TMPRSS13: variants seen among roughly 807,000 people sequenced by gnomAD.
The protein encoded by TMPRSS13 is transmembrane serine protease 13.
TMPRSS13 carries 50 observed loss-of-function variants against 68.4 expected under a neutral mutation model. That is an observed-to-expected ratio of 0.73 (90% CI 0.58 to 0.93). TMPRSS13 has a LOEUF of 0.93. Among genes scored for constraint, TMPRSS13 ranks in the 40% least tolerant of loss-of-function variants. The pLI is 0.00. For synonymous variants in TMPRSS13, 267 were observed against 285.8 expected (o/e 0.93, Z 0.66); for missense variants, 615 against 729.2 (o/e 0.84, Z 1.80).
chr11:117,910,605 A>G, intron 7 of TMPRSS13, 102 bp downstream of exon 7: 1 of 1,207,582 alleles, frequency 8.3e-7, no homozygotes, highest in African/African-American at 1.5e-5. Flanking sequence ...ACTGTTCCTG[A>G]CTTGAACCCC....
intron 12 of TMPRSS13, chr11:117,903,410 C>G (rs1408712551): frequency 1.2e-5 from 18 of 1,536,018 alleles, no homozygotes; most frequent in Non-Finnish European, 1.4e-5. Flanking sequence ...CAGCAACTGC[C>G]TGCCTGGCCT....
At chr11:117,912,440 C>T (rs2057533375) in intron 5 of TMPRSS13, among the ~76,000 whole-genome samples, 1 of 152,240 alleles carries the variant, frequency 6.6e-6, no homozygotes, top group South Asian at 2.1e-4. Context: ...CTAAGAATCA[C>T]CTTGGGATGT....
At chr11:117,905,588 C>T in intron 10 of TMPRSS13, 50 bp downstream of exon 10, 1 of 1,435,648 alleles carries the variant, frequency 7.0e-7, no homozygotes, top group Non-Finnish European at 9.6e-7. Context: ...CATGTATACA[C>T]ACACATGCAC....
chr11:117,924,794 C>T (rs1001413042), intron 1 of TMPRSS13, among the ~76,000 whole-genome samples: 1 of 152,144 alleles, frequency 6.6e-6, no homozygotes, highest in Non-Finnish European at 1.5e-5. Flanking sequence ...CCAGAGAAAC[C>T]CCACAAATAC....
chr11:117,918,781 C>T lies in TMPRSS13; in HGVS notation c.79G>A (p.Ala27Thr). Residue 27 changes from alanine (A) to threonine (T), a missense_variant, in exon 2 of 13, where the codon GCT (alanine) becomes ACT (threonine). Ala to Thr is a moderately conservative substitution (Grantham distance 58). Coordinates refer to ENST00000524993, the MANE Select transcript of TMPRSS13 (RefSeq NM_001077263.3). ...AGASPAQASP[A>T]GTPPGRASPA... Reference sequence around the variant, plus strand: ...GATGCCCGGCCTGGAGGTGTCCCAGCTGGAGATGCCTGGGCTGGAGATGCT... The same window carrying T: ...GATGCCCGGCCTGGAGGTGTCCCAGTTGGAGATGCCTGGGCTGGAGATGCT... 8 of 1,613,690 alleles carry T rather than the reference C, an allele frequency of 5.0e-6. No individual in the cohort carries two copies. Among genetic ancestry groups the T allele is most frequent in the Non-Finnish European group, 6.8e-6 (8 of 1,179,790 alleles).
At chr11:117,902,807 G>A (rs1457969872) in intron 12 of TMPRSS13, among the ~76,000 whole-genome samples, 2 of 152,144 alleles carry the variant, frequency 1.3e-5, no homozygotes, top group African/African-American at 2.4e-5. Flanking sequence ...AGTAAATACC[G>A]AGGATATTCC....
Position 117,902,140 on chromosome 11 carries a change from G to T in TMPRSS13, c.*99C>A, listed in dbSNP as rs2134869851. 1.5e-6 allele frequency: 2 copies of T among 1,364,736 alleles called. No homozygotes were observed. The highest frequency in any genetic ancestry group is 1.8e-5 in the Admixed American group (1 of 55,480). 84.5% of individuals were successfully genotyped at this position (1,364,736 alleles called of 1,614,324 possible). On this transcript the variant is annotated 3_prime_UTR_variant, in exon 13 of 13. Coordinates refer to ENST00000524993, the MANE Select transcript of TMPRSS13 (RefSeq NM_001077263.3). ...ACAGTGGAGGTGGGAGTCCGATGGT[G>T]CCCGGTGGCCATTAGCCCAGATGAT...
chr11:117,905,616 AC>A, intron 10 of TMPRSS13, 21 bp downstream of exon 10: 1 of 1,571,158 alleles, frequency 6.4e-7, no homozygotes, highest in African/African-American at 1.3e-5. Context: ...CATACACACA[AC>A]CAAGCATCTT....
chr11:117,908,585 G>A, intron 9 of TMPRSS13, 27 bp downstream of exon 9: 1 of 1,548,692 alleles, frequency 6.5e-7, no homozygotes. Flanking sequence ...TGGGGGGCAG[G>A]AGAGCGGGGA....
intron 2 of TMPRSS13, among the ~76,000 whole-genome samples, chr11:117,918,118 T>C (rs974092089): frequency 1.3e-5 from 2 of 152,166 alleles, no homozygotes; most frequent in Non-Finnish European, 2.9e-5. Context: ...GACCTTGCTA[T>C]TGAAACCGGT....
At position 117,902,117 on chromosome 11, in the gene TMPRSS13, A is replaced by C. The variant is rs560310011; in HGVS notation, c.*122T>G. 6.9e-6 allele frequency: 7 copies of C among 1,015,576 alleles called. No homozygotes were observed. The South Asian group carries it at 8.2e-5, about 12-fold the overall frequency. 62.9% of individuals were successfully genotyped at this position (1,015,576 alleles called of 1,614,324 possible). A position where few individuals can be genotyped will look rare whatever the true frequency, so the allele number is the denominator to read the frequency against. Reference sequence around the variant, plus strand: ...ACACACACACACAGAGGCAGCAGACAGTGGAGGTGGGAGTCCGATGGTGCC... The same window carrying C: ...ACACACACACACAGAGGCAGCAGACCGTGGAGGTGGGAGTCCGATGGTGCC... On this transcript the variant is annotated 3_prime_UTR_variant, in exon 13 of 13. Transcript: ENST00000524993.
At chr11:117,904,234 C>A in intron 10 of TMPRSS13, 133 bp from the exon 11 acceptor site, 1 of 1,267,282 alleles carries the variant, frequency 7.9e-7, no homozygotes, top group Non-Finnish European at 1.1e-6. Flanking sequence ...CATGCCCGTG[C>A]CTGGCTCCCA....
Position 117,923,176 on chromosome 11 carries a change from A to G in TMPRSS13, c.22-4338T>C, listed in dbSNP as rs184345814. 1.8e-4 allele frequency among the ~76,000 whole-genome samples: 27 copies of G among 152,324 alleles called. No individual in the cohort carries two copies. The East Asian group carries it at 4.6e-3, about 26-fold the overall frequency. On this transcript the variant is annotated intron_variant, in intron 1 of 12. Coordinates refer to ENST00000524993, the MANE Select transcript of TMPRSS13 (RefSeq NM_001077263.3). ...CCAAAACATTTGTGTGCTTTGCCCA[A>G]AGTTGTTCAGGCCCATCTCACAGCA... is the stretch of plus-strand genomic sequence containing the variant.
intron 1 of TMPRSS13, among the ~76,000 whole-genome samples, chr11:117,925,758 C>G (rs893580244): frequency 1.3e-5 from 2 of 152,238 alleles, no homozygotes; most frequent in East Asian, 3.8e-4. Flanking sequence ...GTTGCTATAC[C>G]AAGAGGAATC....
intron 12 of TMPRSS13, chr11:117,903,178 T>C (rs11216612): frequency 0.6 from 833,253 of 1,382,910 alleles, 253,276 homozygotes; most frequent in Non-Finnish European, 0.62. Flanking sequence ...TTGTCAGAGT[T>C]AAAATGGAGT....
rs1033103480 is a variant in TMPRSS13, at chr11:117,905,687, G to A, written c.1332C>T (p.Leu444=). ...AGCCTGTGATCCAGCAGGTCTCATT[G>A]AGGCTAAAGGTCTGTCCATGCATGG... ...CLPMHGQTFS[L]NETCWITGFG... is the part of the protein sequence containing the mutation. Residue 444 remains leucine, a synonymous_variant, in exon 10 of 13, where the codon CTC becomes CTT. Coordinates refer to ENST00000524993, the MANE Select transcript of TMPRSS13 (RefSeq NM_001077263.3). 1.2e-6 allele frequency: 2 copies of A among 1,606,446 alleles called. No individual in the cohort carries two copies. Among genetic ancestry groups the A allele is most frequent in the Admixed American group, 3.4e-5 (2 of 59,382 alleles).
chr11:117,925,813 A>C (rs2057699749), intron 1 of TMPRSS13, among the ~76,000 whole-genome samples: 1 of 152,252 alleles, frequency 6.6e-6, no homozygotes, highest in African/African-American at 2.4e-5. Flanking sequence ...CCATTGTTAC[A>C]TCAGTTGTCC....
At chr11:117,928,390 G>A (rs148953812) in intron 1 of TMPRSS13, among the ~76,000 whole-genome samples, 92 of 152,322 alleles carry the variant, frequency 6.0e-4, no homozygotes, top group African/African-American at 2.1e-3. Flanking sequence ...TGGGGGTGCA[G>A]AATGGACCAC....
Position 117,922,786 on chromosome 11 carries a change from A to G in TMPRSS13, c.22-3948T>C, listed in dbSNP as rs948857387. ...CATCCCTGGCCTAACCTTGCCAACC[A>G]TTCTTTCCTGACCATGCCTCTCCTC... On this transcript the variant is annotated intron_variant, in intron 1 of 12. Transcript: ENST00000524993. The surrounding 1 kb of genome is among the most constrained non-coding windows in gnomAD (Gnocchi z 4.2). Among the ~76,000 whole-genome samples the G allele has an allele frequency of 6.6e-6, 1 of 152,148 alleles. No individual in the cohort carries two copies. Among genetic ancestry groups the G allele is most frequent in the East Asian group, 1.9e-4 (1 of 5,188 alleles).
Sources: gnomAD v4.1 joint callset for allele counts (sites outside exome capture counted in the v4.1 genomes callset) on GRCh38, gnomAD v4.1.1 for gene constraint, Gnocchi (gnomAD v3.1) non-coding constraint, MANE v1.5 for transcripts, NCBI Gene and HGNC (gene_info 2026-07-23, HGNC 2026-07-21) for gene names.